RNF20: variants seen among roughly 807,000 people sequenced by gnomAD.
RNF20 encodes E3 ubiquitin-protein ligase BRE1A.
A neutral mutation model predicts 126.2 loss-of-function variants in RNF20; 84 were observed. The observed-to-expected ratio is 0.67, with a 90% CI of 0.56 to 0.80. The LOEUF (loss-of-function observed/expected upper bound fraction) is 0.80, where lower values mean the gene tolerates loss of function less well. RNF20 is among the 30% of genes least tolerant of loss of function. The pLI is 0.00. For synonymous variants in RNF20, 400 were observed against 414.3 expected (o/e 0.97, Z 0.42); for missense variants, 869 against 1,188.2 (o/e 0.73, Z 3.95).
At chr9:101,552,339 G>T in intron 12 of RNF20, 44 bp from the exon 13 acceptor site, 1 of 1,611,274 alleles carries the variant, frequency 6.2e-7, no homozygotes, top group Non-Finnish European at 8.5e-7. Flanking sequence ...CGGCAATGTG[G>T]TTATCATAAG....
At chr9:101,542,456 G>T (rs1398608145) in intron 5 of RNF20, among the ~76,000 whole-genome samples, 1 of 152,110 alleles carries the variant, frequency 6.6e-6, no homozygotes, top group Non-Finnish European at 1.5e-5. Context: ...CTGTGTCTTG[G>T]TTCAGTAGTT....
chr9:101,535,292 G>T, intron 1 of RNF20, 106 bp from the exon 2 acceptor site: 1 of 713,246 alleles, frequency 1.4e-6, no homozygotes, highest in East Asian at 2.9e-5. Context: ...AATGGATCCA[G>T]GTTAAAGGGT....
At chr9:101,556,754 A>G (rs546413889) in intron 15 of RNF20, among the ~76,000 whole-genome samples, 1 of 152,204 alleles carries the variant, frequency 6.6e-6, no homozygotes, top group Non-Finnish European at 1.5e-5. Context: ...TTAAATGACA[A>G]AAAGTAAAAA....
chr9:101,558,268 A>C (rs1387891734), intron 16 of RNF20, among the ~76,000 whole-genome samples: 1 of 152,154 alleles, frequency 6.6e-6, no homozygotes, highest in Non-Finnish European at 1.5e-5. Context: ...GAGTGAGGAC[A>C]TACAATGTTT....
chr9:101,545,875 C>T (rs1233133976), intron 6 of RNF20, among the ~76,000 whole-genome samples: 2 of 152,126 alleles, frequency 1.3e-5, no homozygotes, highest in African/African-American at 4.8e-5. Flanking sequence ...CTGTGATGTC[C>T]TTGTTGGCTC....
rs1827168706 is a variant in RNF20 at position 101,535,478 on chromosome 9, C to T, written c.55C>T (p.Pro19Ser). The change falls in exon 2 of 20, where the codon CCT (proline) becomes TCT (serine). Residue 19 changes from proline to serine, a missense_variant. Transcript: ENST00000389120. ...AAGEPGTSMPPEKKAAVEDSG... is the reference protein window; with the variant it reads ...AAGEPGTSMPSEKKAAVEDSG... ...TGGAGAACCTGGCACCTCCATGCCT[C>T]CTGAGAAGAAGGCAGCTGTTGAAGA... 2 of 1,613,026 alleles carry T rather than the reference C, an allele frequency of 1.2e-6. No homozygotes were observed. Among genetic ancestry groups the T allele is most frequent in the East Asian group, 2.2e-5 (1 of 44,866 alleles).
intron 5 of RNF20, among the ~76,000 whole-genome samples, chr9:101,543,946 G>C (rs1057127479): frequency 6.6e-6 from 1 of 152,160 alleles, no homozygotes; most frequent in African/African-American, 2.4e-5. Flanking sequence ...AGCCTAGCTT[G>C]AAAACCATGA....
chr9:101,541,195 G>A (rs1222453826), intron 5 of RNF20, among the ~76,000 whole-genome samples: 6 of 152,020 alleles, frequency 3.9e-5, no homozygotes, highest in Non-Finnish European at 8.8e-5. Context: ...CTCAGCTTCC[G>A]AATAGCTAGG....
chr9:101,549,971 G>A (rs1827416461), intron 9 of RNF20, among the ~76,000 whole-genome samples: 2 of 152,028 alleles, frequency 1.3e-5, no homozygotes, highest in Non-Finnish European at 2.9e-5. Context: ...GGAACAGCTC[G>A]TGTCCTCGGT....
chr9:101,547,372 A>G, intron 8 of RNF20, 27 bp from the exon 9 acceptor site: 2 of 1,613,190 alleles, frequency 1.2e-6, no homozygotes, highest in East Asian at 2.2e-5. Context: ...ATACTTATTT[A>G]TTCTCTATTT....
Position 101,560,929 on chromosome 9 carries a change from ATGAT to A in RNF20, c.2508+9_2508+12del. The A allele has an allele frequency of 6.2e-7, 1 of 1,609,222 alleles. No homozygotes were observed. Among genetic ancestry groups the A allele is most frequent in the South Asian group, 1.1e-5 (1 of 89,936 alleles). On this transcript the variant is annotated splice_donor_5th_base_variant and intron_variant, in intron 17 of 19. Coordinates refer to ENST00000389120, the MANE Select transcript of RNF20 (RefSeq NM_019592.7). ...CCTTAGAGATGAATAAACGCAAGGTATGATTGATTAATCTAATGATGGTTAGTCT... is the reference window on the plus strand; with the variant it reads ...CCTTAGAGATGAATAAACGCAAGGTATGATTAATCTAATGATGGTTAGTCT...
chr9:101,550,010 C>A (rs144527459), intron 9 of RNF20, among the ~76,000 whole-genome samples: 10 of 152,230 alleles, frequency 6.6e-5, no homozygotes, highest in South Asian at 2.1e-4. Flanking sequence ...GGTGGCTTGC[C>A]GCCCACATCT....
In RNF20 at chr9:101,544,818, A is replaced by G; in HGVS notation, c.680A>G (p.Gln227Arg). 1.2e-6 allele frequency: 2 copies of G among 1,613,842 alleles called. No individual in the cohort carries two copies. ...AVQELNSFLA[Q>R]ENMRLQELTD... is the part of the protein sequence containing the mutation. ...CAGGAGCTGAACTCTTTCCTCGCAC[A>G]GGAGAATATGAGGCTACAGGAATTG... The change falls in exon 6 of 20, where the codon CAG (glutamine) becomes CGG (arginine). Residue 227 changes from glutamine (Q) to arginine (R), a missense_variant. By Grantham distance (43) the Gln-to-Arg change is conservative. Around this residue, in one of 8 missense-constraint regions of RNF20, gnomAD observed 103 missense variants for 94.3 expected, o/e 1.09. Transcript: ENST00000389120.
chr9:101,560,204 T>C (rs1200506468), intron 16 of RNF20, among the ~76,000 whole-genome samples: 1 of 152,180 alleles, frequency 6.6e-6, no homozygotes, highest in Non-Finnish European at 1.5e-5. Context: ...TCAGATTTAT[T>C]GACTTGTGGA....
chr9:101,550,901 C>A, intron 10 of RNF20, 116 bp downstream of exon 10: 2 of 959,414 alleles, frequency 2.1e-6, no homozygotes, highest in South Asian at 1.3e-5. Flanking sequence ...CATAGAGTGG[C>A]AGTAGGTCTT....
chr9:101,540,527 AT>A lies in RNF20; in HGVS notation c.336del (p.Leu113TrpfsTer77), dbSNP rs985090268. 6.2e-7 allele frequency: 1 copy of A among 1,613,832 alleles called. No homozygotes were observed. Among genetic ancestry groups the A allele is most frequent in the Non-Finnish European group, 8.5e-7 (1 of 1,180,000 alleles). ...ATCCGTATCATCCTTAAACGTTATG[AT>A]CTGGAGCAGGGCTTGGGAGACCTAC... ...ENIRIILKRYDLEQGLGDLLT... is the reference protein window; with the variant it reads ...ENIRIILKRYXLEQGLGDLLT... On this transcript the variant is annotated frameshift_variant, in exon 4 of 20. Transcript: ENST00000389120. LOFTEE classifies it high-confidence loss of function.
At position 101,561,013 on chromosome 9, in the gene RNF20, C is replaced by T. The variant is rs556205681; in HGVS notation, c.2509-77C>T. Reference sequence around the variant, plus strand: ...AGATTGTAAGTTCGCTTTATTCCTTCAACTTGGGCTAACATTTTGCCTCAC... The same window carrying T: ...AGATTGTAAGTTCGCTTTATTCCTTTAACTTGGGCTAACATTTTGCCTCAC... On this transcript the variant is annotated intron_variant, in intron 17 of 19. Transcript: ENST00000389120. 3.4e-4 allele frequency: 543 copies of T among 1,598,086 alleles called. 1 individual carries two copies. Among genetic ancestry groups the T allele is most frequent in the Non-Finnish European group, 4.5e-4 (528 of 1,171,188 alleles).
At chr9:101,550,463 AC>A (rs1827424695) in intron 9 of RNF20, 142 bp from the exon 10 acceptor site, 3 of 697,470 alleles carry the variant, frequency 4.3e-6, no homozygotes, top group Non-Finnish European at 7.5e-6. Context: ...TTACATAACT[AC>A]AGCAATGGGT....
At chr9:101,540,685 A>T in intron 4 of RNF20, 48 bp downstream of exon 4, 2 of 1,606,844 alleles carry the variant, frequency 1.2e-6, no homozygotes, top group Non-Finnish European at 8.5e-7. Context: ...CTGGGTTTTT[A>T]AAGTAGAGCT....
Sources: gnomAD v4.1 joint callset for allele counts (sites outside exome capture counted in the v4.1 genomes callset) on GRCh38, gnomAD v4.1.1 for gene constraint, gnomAD v4.1.1 regional missense constraint, MANE v1.5 for transcripts, NCBI Gene and HGNC (gene_info 2026-07-23, HGNC 2026-07-21) for gene names.